The following ZNF644 variants were observed in gnomAD, a reference collection of about 807,000 sequenced individuals.
ZNF644 encodes zinc finger motif enhancer binding protein 2.
A neutral mutation model predicts 108.0 loss-of-function variants in ZNF644; 20 were observed. The observed-to-expected ratio is 0.19, with a 90% CI of 0.13 to 0.27. The LOEUF is 0.27. Ranked by LOEUF, ZNF644 falls within the 10% of genes least tolerant of loss-of-function variation. The pLI is 1.00. For missense variants in ZNF644, 1,338 were observed against 1,548.9 expected (o/e 0.86, Z 2.29); for synonymous variants, 542 against 539.1 (o/e 1.01, Z -0.08).
At chr1:90,953,733 G>A (rs1653439098) in intron 2 of ZNF644, among the ~76,000 whole-genome samples, 1 of 151,962 alleles carries the variant, frequency 6.6e-6, no homozygotes, top group Non-Finnish European at 1.5e-5. Context: ...TGGCCAACAT[G>A]GGGAAATCCC....
chr1:91,000,349 CA>C (rs951051129), intron 1 of ZNF644, among the ~76,000 whole-genome samples: 3 of 152,196 alleles, frequency 2.0e-5, no homozygotes, highest in African/African-American at 7.2e-5. Context: ...TCTCAGACCA[CA>C]GTGTAATCAA....
intron 1 of ZNF644, among the ~76,000 whole-genome samples, chr1:91,010,679 A>G (rs1397936300): frequency 6.6e-6 from 1 of 152,124 alleles, no homozygotes; most frequent in Non-Finnish European, 1.5e-5. Flanking sequence ...CAGCTCAGTA[A>G]TTTAAATGTT....
chr1:90,939,972 T>C lies in ZNF644; in HGVS notation c.1382A>G (p.Asn461Ser), dbSNP rs757869126. 4 of 1,614,060 alleles carry C rather than the reference T, an allele frequency of 2.5e-6. No individual in the cohort carries two copies. The highest frequency in any genetic ancestry group is 1.1e-5 in the South Asian group (1 of 91,084). Residue 461 changes from asparagine to serine, a missense_variant, in exon 3 of 6, where the codon AAT (asparagine) becomes AGT (serine). Asn to Ser is a conservative substitution (Grantham distance 46). Coordinates refer to ENST00000337393, the MANE Select transcript of ZNF644 (RefSeq NM_201269.3). ...AATAATCATATGTTTTAGAAGTGAA[T>C]TGCGATCTCGAAATGTCCGTCCACA... ...RECGRTFRDR[N>S]SLLKHMIIHQ...
At chr1:90,945,207 A>G (rs527367768) in intron 2 of ZNF644, among the ~76,000 whole-genome samples, 160 of 152,222 alleles carry the variant, frequency 1.1e-3, no homozygotes, top group Non-Finnish European at 1.9e-3. Flanking sequence ...GACTCCTTAT[A>G]TATCAATTAA....
At chr1:90,969,978 T>C (rs986427888) in intron 2 of ZNF644, among the ~76,000 whole-genome samples, 1 of 152,226 alleles carries the variant, frequency 6.6e-6, no homozygotes, top group Non-Finnish European at 1.5e-5. Context: ...TCTACTGTGA[T>C]ATACATGAAT....
intron 1 of ZNF644, among the ~76,000 whole-genome samples, chr1:91,008,586 C>T (rs1478854159): frequency 6.6e-6 from 1 of 152,176 alleles, no homozygotes; most frequent in African/African-American, 2.4e-5. Flanking sequence ...GATAGTTCTG[C>T]TGTCATTCCT....
chr1:91,016,908 C>A (rs954292957), intron 1 of ZNF644, among the ~76,000 whole-genome samples: 1 of 152,254 alleles, frequency 6.6e-6, no homozygotes, highest in Non-Finnish European at 1.5e-5. Context: ...TCTCTGCTCA[C>A]TGAAGCCTCT....
At chr1:90,931,604 T>G (rs2100873324) in intron 4 of ZNF644, among the ~76,000 whole-genome samples, 2 of 152,276 alleles carry the variant, frequency 1.3e-5, no homozygotes, top group Non-Finnish European at 2.9e-5. Context: ...CAACAGAAGA[T>G]AAACTGGGAC....
At chr1:90,924,631 A>C (rs1293042267) in intron 4 of ZNF644, among the ~76,000 whole-genome samples, 1 of 152,110 alleles carries the variant, frequency 6.6e-6, no homozygotes, top group East Asian at 1.9e-4. Flanking sequence ...AGTAAATCTA[A>C]ATGGCACAAA....
intron 4 of ZNF644, among the ~76,000 whole-genome samples, chr1:90,934,788 C>T (rs1651137698): frequency 6.6e-6 from 1 of 152,148 alleles, no homozygotes; most frequent in African/African-American, 2.4e-5. Flanking sequence ...CTCACCCCTT[C>T]AAAGATCTAA....
chr1:90,924,211 A>G (rs746840678), intron 4 of ZNF644, among the ~76,000 whole-genome samples: 26 of 152,314 alleles, frequency 1.7e-4, no homozygotes, highest in Admixed American at 9.8e-4. Flanking sequence ...CTGAGTTGAT[A>G]GGATAGCAAA....
chr1:90,985,841 T>A (rs954951219), intron 1 of ZNF644, among the ~76,000 whole-genome samples: 1 of 152,312 alleles, frequency 6.6e-6, no homozygotes, highest in Middle Eastern at 3.4e-3. Flanking sequence ...CTATATCATA[T>A]GGTAATTCTA....
At chr1:90,994,683 C>T (rs1657974531) in intron 1 of ZNF644, among the ~76,000 whole-genome samples, 1 of 152,220 alleles carries the variant, frequency 6.6e-6, no homozygotes, top group Non-Finnish European at 1.5e-5. Flanking sequence ...CAGGAAGCTG[C>T]AGCTCTACAA....
chr1:91,001,556 A>T (rs1184379411), intron 1 of ZNF644, among the ~76,000 whole-genome samples: 1 of 152,228 alleles, frequency 6.6e-6, no homozygotes, highest in Non-Finnish European at 1.5e-5. Flanking sequence ...AGAGCTATTT[A>T]TGACAAACCC....
intron 4 of ZNF644, among the ~76,000 whole-genome samples, chr1:90,935,228 T>A (rs937729747): frequency 6.6e-6 from 1 of 152,202 alleles, no homozygotes; most frequent in African/African-American, 2.4e-5. Context: ...AAGAAAAAGA[T>A]TAACTTGCTT....
intron 2 of ZNF644, among the ~76,000 whole-genome samples, chr1:90,969,186 G>A (rs982679681): frequency 6.6e-6 from 1 of 152,086 alleles, no homozygotes; most frequent in Non-Finnish European, 1.5e-5. Context: ...CAGTCTAACT[G>A]GTGTCCTTAT....
intron 4 of ZNF644, among the ~76,000 whole-genome samples, chr1:90,933,861 T>G (rs1651028525): frequency 6.6e-6 from 1 of 152,194 alleles, no homozygotes; most frequent in African/African-American, 2.4e-5. Context: ...TTATTAACTG[T>G]GTAAGTTTGA....
At chr1:90,947,212 T>C (rs573186857) in intron 2 of ZNF644, among the ~76,000 whole-genome samples, 1 of 152,330 alleles carries the variant, frequency 6.6e-6, no homozygotes, top group African/African-American at 2.4e-5. Context: ...AGGAGAGTAC[T>C]AAGTCATAGT....
At chr1:90,922,824 G>T (rs1649615767) in intron 4 of ZNF644, among the ~76,000 whole-genome samples, 1 of 151,990 alleles carries the variant, frequency 6.6e-6, no homozygotes, top group Non-Finnish European at 1.5e-5. Context: ...ACTTATAAGT[G>T]AAAACATTCA....
Sources: gnomAD v4.1 joint callset for allele counts (sites outside exome capture counted in the v4.1 genomes callset) on GRCh38, gnomAD v4.1.1 for gene constraint, MANE v1.5 for transcripts, NCBI Gene and HGNC (gene_info 2026-07-23, HGNC 2026-07-21) for gene names.